The following TRDN variants were observed in gnomAD, a reference collection of about 807,000 sequenced individuals.
TRDN encodes triadin in skeletal muscle.
Under a neutral mutation model 149.7 loss-of-function variants are expected in TRDN, and 161 were observed. The observed-to-expected ratio is 1.08, with a 90% CI of 0.95 to 1.23. The LOEUF (loss-of-function observed/expected upper bound fraction) is 1.23, where lower values mean the gene tolerates loss of function less well. TRDN is among the 50% of genes most tolerant of loss of function. The probability of loss-of-function intolerance (pLI) is 0.00; values close to 1 mark genes in which losing one functional copy is unlikely to be tolerated. For synonymous variants in TRDN, 294 were observed against 250.5 expected (o/e 1.17, Z -1.64); for missense variants, 896 against 823.5 (o/e 1.09, Z -1.08).
intron 8 of TRDN, among the ~76,000 whole-genome samples, chr6:123,498,974 C>T (rs937833940): frequency 6.6e-6 from 1 of 152,028 alleles, no homozygotes; most frequent in African/African-American, 2.4e-5. Context: ...TGGGCTCCAT[C>T]ATCCAAAAAA....
chr6:123,613,802 T>TA (rs140967783), intron 1 of TRDN, among the ~76,000 whole-genome samples: 8,097 of 152,222 alleles, frequency 0.053, 738 homozygotes, highest in African/African-American at 0.18. Context: ...TGATGCCACA[T>TA]AACAATGAAT....
rs981335141 is a variant in TRDN, at chr6:123,493,395, T to A, written c.853+3798A>T. 4.8e-4 allele frequency among the ~76,000 whole-genome samples: 73 copies of A among 152,160 alleles called. 1 individual carries two copies. The highest frequency in any genetic ancestry group is 2.5e-4 in the Non-Finnish European group (17 of 68,024). On this transcript the variant is annotated intron_variant, in intron 9 of 40. Transcript: ENST00000334268. ...AGAAAATCAGAAAGAGCAATTCAATTAATCTTCAGGTTTATAGACGAAATC... is the reference window on the plus strand; with the variant it reads ...AGAAAATCAGAAAGAGCAATTCAATAAATCTTCAGGTTTATAGACGAAATC...
chr6:123,348,909 T>G (rs901464542), intron 21 of TRDN, among the ~76,000 whole-genome samples: 3 of 152,134 alleles, frequency 2.0e-5, no homozygotes, highest in Non-Finnish European at 4.4e-5. Context: ...GCCCATTTTT[T>G]GGGGTGAAAT....
At chr6:123,585,009 C>T (rs1783378938) in intron 1 of TRDN, among the ~76,000 whole-genome samples, 3 of 151,800 alleles carry the variant, frequency 2.0e-5, no homozygotes, top group South Asian at 4.2e-4. Flanking sequence ...AGGCTTTAAT[C>T]CTTTCAAAGC....
chr6:123,278,105 T>G (rs560129510), intron 26 of TRDN, among the ~76,000 whole-genome samples: 3 of 152,258 alleles, frequency 2.0e-5, no homozygotes, highest in Non-Finnish European at 4.4e-5. Flanking sequence ...TTCTGAACCA[T>G]GTAAATTTCT....
chr6:123,342,307 C>G (rs1026484777), intron 21 of TRDN, among the ~76,000 whole-genome samples: 7 of 151,712 alleles, frequency 4.6e-5, no homozygotes, highest in African/African-American at 1.7e-4. Context: ...ATGAGATGAA[C>G]TAGGATATCT....
intron 12 of TRDN, among the ~76,000 whole-genome samples, chr6:123,405,604 A>C (rs1476583993): frequency 1.3e-5 from 2 of 152,228 alleles, no homozygotes; most frequent in Non-Finnish European, 2.9e-5. Flanking sequence ...TTACATGACG[A>C]GGCCGGAAAT....
chr6:123,320,797 T>G (rs1779214559), intron 23 of TRDN, among the ~76,000 whole-genome samples: 1 of 152,076 alleles, frequency 6.6e-6, no homozygotes, highest in Non-Finnish European at 1.5e-5. Context: ...AGGATTATAA[T>G]TAACATATAC....
intron 6 of TRDN, among the ~76,000 whole-genome samples, chr6:123,514,609 G>A (rs1230842790): frequency 6.9e-6 from 1 of 145,288 alleles, no homozygotes; most frequent in East Asian, 2.1e-4. Flanking sequence ...ATAAGTTATA[G>A]ATGAAGGGTA....
At chr6:123,511,985 T>C (rs1219523567) in intron 7 of TRDN, among the ~76,000 whole-genome samples, 2 of 107,678 alleles carry the variant, frequency 1.9e-5, no homozygotes, top group Admixed American at 1.3e-4. Flanking sequence ...TCACTGCCTC[T>C]GCAATTTTTT....
At chr6:123,496,024 C>T (rs1458212994) in intron 9 of TRDN, among the ~76,000 whole-genome samples, 1 of 145,340 alleles carries the variant, frequency 6.9e-6, no homozygotes, top group Non-Finnish European at 1.5e-5. Flanking sequence ...ACACAAACAT[C>T]GATATTATTA....
chr6:123,229,946 G>A lies in TRDN; in HGVS notation c.1976-5815C>T, dbSNP rs542691973. Reference sequence around the variant, plus strand: ...TCTTGGTTCTACATTTTATTCTCTAGAGCGGTGGCTTTCACTTTTTTCTTC... The same window carrying A: ...TCTTGGTTCTACATTTTATTCTCTAAAGCGGTGGCTTTCACTTTTTTCTTC... On this transcript the variant is annotated intron_variant, in intron 38 of 40. Transcript: ENST00000334268. Among the ~76,000 whole-genome samples, 15 of 152,028 alleles carry A rather than the reference G, an allele frequency of 9.9e-5. No individual in the cohort carries two copies. The South Asian group carries it at 3.1e-3, about 32-fold the overall frequency.
intron 1 of TRDN, among the ~76,000 whole-genome samples, chr6:123,585,594 G>C (rs1783433043): frequency 1.3e-5 from 2 of 152,182 alleles, no homozygotes; most frequent in Non-Finnish European, 2.9e-5. Flanking sequence ...AGGAGTCTGA[G>C]AGCCTTGGGC....
chr6:123,338,549 A>G (rs113761969), intron 21 of TRDN, among the ~76,000 whole-genome samples: 6 of 152,302 alleles, frequency 3.9e-5, no homozygotes, highest in African/African-American at 1.2e-4. Context: ...CTCCCAGCCA[A>G]CAGCTAGTAT....
chr6:123,478,070 A>G (rs929507377), intron 9 of TRDN, among the ~76,000 whole-genome samples: 6 of 143,058 alleles, frequency 4.2e-5, no homozygotes, highest in African/African-American at 7.5e-5. Context: ...ATAAAAAAAA[A>G]GAAAAATGTT....
At chr6:123,323,574 C>A (rs1417372114) in intron 23 of TRDN, among the ~76,000 whole-genome samples, 2 of 152,204 alleles carry the variant, frequency 1.3e-5, no homozygotes, top group Non-Finnish European at 2.9e-5. Context: ...TGACTCAATG[C>A]TTTATGCCTA....
chr6:123,515,344 G>A (rs948563424), intron 6 of TRDN, among the ~76,000 whole-genome samples: 16 of 151,580 alleles, frequency 1.1e-4, no homozygotes, highest in African/African-American at 3.9e-4. Context: ...TAGAAATGAA[G>A]AACTTAATGA....
At chr6:123,568,776 C>T (rs1782416440) in intron 2 of TRDN, among the ~76,000 whole-genome samples, 2 of 152,230 alleles carry the variant, frequency 1.3e-5, no homozygotes, top group Admixed American at 1.3e-4. Context: ...CCCTTCTTAA[C>T]TCCTAGACAT....
intron 9 of TRDN, among the ~76,000 whole-genome samples, chr6:123,490,797 G>A (rs1778180903): frequency 6.6e-6 from 1 of 152,160 alleles, no homozygotes; most frequent in South Asian, 2.1e-4. Flanking sequence ...TGTAATCTAT[G>A]TTTGTAAATA....
Sources: allele counts gnomAD v4.1 joint callset (sites outside exome capture counted in the v4.1 genomes callset), GRCh38; gene constraint gnomAD v4.1.1; transcripts MANE v1.5; gene names NCBI Gene and HGNC (gene_info 2026-07-23, HGNC 2026-07-21).